The following TMEM179 variants were observed in gnomAD, a reference collection of about 807,000 sequenced individuals.
The protein encoded by TMEM179 is transmembrane protein 179A.
TMEM179 carries 17 observed loss-of-function variants against 22.2 expected under a neutral mutation model. The observed-to-expected ratio is 0.77, with a 90% CI of 0.52 to 1.15. The LOEUF (loss-of-function observed/expected upper bound fraction) is 1.15, where lower values mean the gene tolerates loss of function less well. Ranked by LOEUF, TMEM179 falls within the 50% of genes most tolerant of loss-of-function variation. TMEM179 has a pLI of 0.00. For synonymous variants in TMEM179, 127 were observed against 140.5 expected, an observed-to-expected ratio of 0.90 and a Z score of 0.68; for missense variants, 265 against 313.6, an observed-to-expected ratio of 0.84 and a Z score of 1.17.
At chr14:104,598,834 A>G (rs1327948204) in intron 1 of TMEM179, among the ~76,000 whole-genome samples, 1 of 152,236 alleles carries the variant, frequency 6.6e-6, no homozygotes, top group African/African-American at 2.4e-5. Context: ...GGAGTCCCAG[A>G]CAAGGGGAGA....
At chr14:104,596,698 A>G (rs1887034491) in intron 2 of TMEM179, among the ~76,000 whole-genome samples, 1 of 152,188 alleles carries the variant, frequency 6.6e-6, no homozygotes, top group Non-Finnish European at 1.5e-5. Context: ...GGGCAGCCAG[A>G]GTCCCTGACC....
At chr14:104,594,733 G>C (rs757248622) in intron 3 of TMEM179, 9 of 1,144,384 alleles carry the variant, frequency 7.9e-6, no homozygotes, top group Non-Finnish European at 9.7e-6. Flanking sequence ...CTCTGTATCA[G>C]CTTCCCCCTG....
intron 1 of TMEM179, among the ~76,000 whole-genome samples, chr14:104,598,175 G>A (rs899002427): frequency 2.0e-5 from 3 of 152,210 alleles, no homozygotes; most frequent in Non-Finnish European, 2.9e-5. Context: ...AATGGGCCTG[G>A]GGTGGGCTCA....
In TMEM179 at chr14:104,604,770, A is replaced by AAGGCCGCGGGAGGCTGCGCCGGGCGGGG. The variant is rs546419481; in HGVS notation, c.-30_-29insCCCCGCCCGGCGCAGCCTCCCGCGGCCT. 7.0e-5 allele frequency: 103 copies of AAGGCCGCGGGAGGCTGCGCCGGGCGGGG among 1,473,482 alleles called. No individual in the cohort carries two copies. The East Asian group carries it at 1.3e-3, about 19-fold the overall frequency. The allele number at this position is 1,473,482 out of a possible 1,614,324, so 91.3% of individuals were successfully genotyped here. On this transcript the variant is annotated 5_prime_UTR_variant, in exon 1 of 4. Coordinates refer to ENST00000556573, the MANE Select transcript of TMEM179 (RefSeq NM_001286389.2). This position sits in a 1 kb window ranked among gnomAD's most constrained non-coding sequence, Gnocchi z 4.6. Reference sequence around the variant, plus strand: ...CGGCCCGGGCGAGAGCGGCGGCGGGAAGGCCGCGGGAGGCTGCGCCGGGCG... The same window carrying AAGGCCGCGGGAGGCTGCGCCGGGCGGGG: ...CGGCCCGGGCGAGAGCGGCGGCGGGAAGGCCGCGGGAGGCTGCGCCGGGCGGGGAGGCCGCGGGAGGCTGCGCCGGGCG...
At position 104,604,386 on chromosome 14, in the gene TMEM179, G is replaced by A. The variant is rs1267066738; in HGVS notation, c.305+51C>T. 1 of 1,436,268 alleles carries A rather than the reference G, an allele frequency of 7.0e-7. No individual in the cohort carries two copies. Among genetic ancestry groups the A allele is most frequent in the Admixed American group, 2.7e-5 (1 of 36,606 alleles). 89.0% of individuals were successfully genotyped at this position (1,436,268 alleles called of 1,614,324 possible). On this transcript the variant is annotated intron_variant, in intron 1 of 3. Coordinates refer to ENST00000556573, the MANE Select transcript of TMEM179 (RefSeq NM_001286389.2). The surrounding 1 kb of genome is among the most constrained non-coding windows in gnomAD (Gnocchi z 4.6). ...CGCCTCCCCGGGGAGGTGGGTCTGG[G>A]GGCGCTGGGGGCATGGAAGGGGCGC...
intron 3 of TMEM179, chr14:104,594,339 A>G: frequency 8.1e-7 from 1 of 1,231,644 alleles, no homozygotes; most frequent in Non-Finnish European, 1.0e-6. Flanking sequence ...AAGCGTCCTC[A>G]GGCCAGCCAC....
chr14:104,600,019 C>T (rs560784077), intron 1 of TMEM179, among the ~76,000 whole-genome samples: 1 of 152,328 alleles, frequency 6.6e-6, no homozygotes, highest in Admixed American at 6.5e-5. Flanking sequence ...ATTTTGGAGT[C>T]TTCTCCCATG....
In TMEM179 at chr14:104,604,296, G is replaced by A. The variant is rs1339322910; in HGVS notation, c.305+141C>T. ...TAGACAAAGGGCGGTCTGAGTGGAG[G>A]GGGTGAGGGCGGATTGTTGACATTT... On this transcript the variant is annotated intron_variant, in intron 1 of 3. Coordinates refer to ENST00000556573, the MANE Select transcript of TMEM179 (RefSeq NM_001286389.2). This position sits in a 1 kb window ranked among gnomAD's most constrained non-coding sequence, Gnocchi z 4.6. 3.3e-6 allele frequency: 3 copies of A among 908,464 alleles called. No homozygotes were observed. Among genetic ancestry groups the A allele is most frequent in the South Asian group, 1.9e-5 (1 of 53,464 alleles). 56.3% of individuals were successfully genotyped at this position (908,464 alleles called of 1,614,324 possible).
chr14:104,598,468 C>T (rs1226288990), intron 1 of TMEM179, among the ~76,000 whole-genome samples: 3 of 152,240 alleles, frequency 2.0e-5, no homozygotes, highest in African/African-American at 7.2e-5. Context: ...AAAACATCAA[C>T]GCTACCGTCA....
chr14:104,595,293 C>T lies in TMEM179; in HGVS notation c.444-50G>A, dbSNP rs138556306. ...AGGGTGACCACCAGGACAGCCAGTG[C>T]GGGACATGGCTGAGCCGCTGGCCAG... On this transcript the variant is annotated intron_variant, in intron 2 of 3. Transcript: ENST00000556573. This position sits in a 1 kb window ranked among gnomAD's most constrained non-coding sequence, Gnocchi z 5.7. 1.9e-5 allele frequency: 29 copies of T among 1,560,228 alleles called. No homozygotes were observed. Among genetic ancestry groups the T allele is most frequent in the East Asian group, 1.4e-4 (6 of 43,836 alleles).
chr14:104,594,895 T>TAC, intron 3 of TMEM179: 1 of 1,285,852 alleles, frequency 7.8e-7, no homozygotes, highest in Non-Finnish European at 9.9e-7. Flanking sequence ...CCCCCACACT[T>TAC]CCCACCCCAG....
In TMEM179 at chr14:104,604,584, G is replaced by C. The variant is rs377119267; in HGVS notation, c.158C>G (p.Thr53Arg). ...TEGMWLSANL[T>R]VQERERFTVQ... ...CGTGAAGCGCTCGCGCTCCTGCACCGTGAGGTTGGCGCTCAGCCACATGCC... is the reference window on the plus strand; with the variant it reads ...CGTGAAGCGCTCGCGCTCCTGCACCCTGAGGTTGGCGCTCAGCCACATGCC... The change falls in exon 1 of 4, where the codon ACG becomes AGG. Residue 53 changes from threonine to arginine, a missense_variant. Coordinates refer to ENST00000556573, the MANE Select transcript of TMEM179 (RefSeq NM_001286389.2). This position sits in a 1 kb window ranked among gnomAD's most constrained non-coding sequence, Gnocchi z 4.6. 1 of 1,546,096 alleles carries C rather than the reference G, an allele frequency of 6.5e-7. No individual in the cohort carries two copies. Among genetic ancestry groups the C allele is most frequent in the Non-Finnish European group, 8.7e-7 (1 of 1,149,754 alleles).
chr14:104,595,320 G>A lies in TMEM179; in HGVS notation c.444-77C>T, dbSNP rs1245110257. 5 of 1,435,950 alleles carry A rather than the reference G, an allele frequency of 3.5e-6. No homozygotes were observed. The African/African-American group carries it at 5.7e-5, about 16-fold the overall frequency. The allele number at this position is 1,435,950 out of a possible 1,614,324, so 89.0% of individuals were successfully genotyped here. A position where few individuals can be genotyped will look rare whatever the true frequency, so the allele number is the denominator to read the frequency against. On this transcript the variant is annotated intron_variant, in intron 2 of 3. Transcript: ENST00000556573. The surrounding 1 kb of genome is among the most constrained non-coding windows in gnomAD (Gnocchi z 5.7). ...GGACATGGCTGAGCCGCTGGCCAGA[G>A]AGCCAGGAGCTTTGCCCTACAATTG...
chr14:104,595,008 T>C lies in TMEM179; in HGVS notation c.522+157A>G. Reference sequence around the variant, plus strand: ...TCTCCCCCACCTCCTGCAGGAAGCCTTCCCGACTGCTCCCACTGCCTGGTC... The same window carrying C: ...TCTCCCCCACCTCCTGCAGGAAGCCCTCCCGACTGCTCCCACTGCCTGGTC... On this transcript the variant is annotated intron_variant, in intron 3 of 3. Transcript: ENST00000556573. The surrounding 1 kb of genome is among the most constrained non-coding windows in gnomAD (Gnocchi z 5.7). 6.7e-7 allele frequency: 1 copy of C among 1,490,148 alleles called. No homozygotes were observed. The highest frequency in any genetic ancestry group is 1.4e-5 in the African/African-American group (1 of 70,882). 92.3% of individuals were successfully genotyped at this position (1,490,148 alleles called of 1,614,324 possible). A position where few individuals can be genotyped will look rare whatever the true frequency, so the allele number is the denominator to read the frequency against.
At chr14:104,598,933 T>TG (rs1887143040) in intron 1 of TMEM179, among the ~76,000 whole-genome samples, 1 of 152,110 alleles carries the variant, frequency 6.6e-6, no homozygotes, top group Non-Finnish European at 1.5e-5. Context: ...CACGTACGCG[T>TG]GGGGGGTGAC....
Position 104,604,304 on chromosome 14 carries a change from G to A in TMEM179, c.305+133C>T. On this transcript the variant is annotated intron_variant, in intron 1 of 3. Transcript: ENST00000556573. This position sits in a 1 kb window ranked among gnomAD's most constrained non-coding sequence, Gnocchi z 4.6. ...GGGCGGTCTGAGTGGAGGGGGTGAG[G>A]GCGGATTGTTGACATTTGCGGGCCT... 1.0e-6 allele frequency: 1 copy of A among 1,000,760 alleles called. No homozygotes were observed. The highest frequency in any genetic ancestry group is 1.4e-6 in the Non-Finnish European group (1 of 720,236). 62.0% of individuals were successfully genotyped at this position (1,000,760 alleles called of 1,614,324 possible). A position where few individuals can be genotyped will look rare whatever the true frequency, so the allele number is the denominator to read the frequency against.
At chr14:104,594,040 G>C (rs1886931515) in intron 3 of TMEM179, 2 of 1,229,162 alleles carry the variant, frequency 1.6e-6, no homozygotes, top group Non-Finnish European at 2.0e-6. Flanking sequence ...AACAGCGGAG[G>C]CTCCTCCAAC....
intron 1 of TMEM179, among the ~76,000 whole-genome samples, chr14:104,600,093 A>G (rs1887185839): frequency 6.6e-6 from 1 of 152,218 alleles, no homozygotes; most frequent in African/African-American, 2.4e-5. Context: ...CTGCCAGCTG[A>G]CAGCCTCGGT....
intron 1 of TMEM179, among the ~76,000 whole-genome samples, chr14:104,603,378 G>A (rs2140500353): frequency 1.3e-5 from 2 of 152,306 alleles, no homozygotes; most frequent in South Asian, 4.1e-4. Context: ...GGATGGGGGT[G>A]AGGGCAGAGT....
Sources: gnomAD v4.1 joint callset for allele counts (sites outside exome capture counted in the v4.1 genomes callset) on GRCh38, gnomAD v4.1.1 for gene constraint, Gnocchi (gnomAD v3.1) non-coding constraint, MANE v1.5 for transcripts, NCBI Gene and HGNC (gene_info 2026-07-23, HGNC 2026-07-21) for gene names.